KIF15: variants seen among roughly 807,000 people sequenced by gnomAD.
The protein encoded by KIF15 is kinesin-like protein KIF15.
A neutral mutation model predicts 190.6 loss-of-function variants in KIF15; 140 were observed. That is an observed-to-expected ratio of 0.73 (90% confidence interval 0.64 to 0.84). The LOEUF is 0.84. Among genes scored for constraint, KIF15 ranks in the 40% least tolerant of loss-of-function variants. The pLI is 0.00. For synonymous variants in KIF15, 528 were observed against 551.3 expected (o/e 0.96, Z 0.59); for missense variants, 1,372 against 1,584.4 (o/e 0.87, Z 2.28).
At chr3:44,812,405 A>G (rs778577876) in intron 18 of KIF15, 116 bp downstream of exon 18, 15 of 711,660 alleles carry the variant, frequency 2.1e-5, no homozygotes, top group Non-Finnish European at 3.1e-5. Flanking sequence ...ATATTCAGAG[A>G]GTATCACAGA....
At chr3:44,825,914 A>G in intron 20 of KIF15, 125 bp from the exon 21 acceptor site, 1 of 776,328 alleles carries the variant, frequency 1.3e-6, no homozygotes, top group Non-Finnish European at 2.0e-6. Flanking sequence ...GGAGCCTTAT[A>G]TCACTCGAGG....
chr3:44,796,773 TATC>T (rs1707007790), intron 8 of KIF15, among the ~76,000 whole-genome samples: 1 of 152,232 alleles, frequency 6.6e-6, no homozygotes, highest in Non-Finnish European at 1.5e-5. Flanking sequence ...TAGTTTTTAT[TATC>T]CTTTACAGAA....
chr3:44,845,422 G>A (rs948037957), intron 30 of KIF15, among the ~76,000 whole-genome samples: 4 of 152,002 alleles, frequency 2.6e-5, no homozygotes, highest in Non-Finnish European at 5.9e-5. Flanking sequence ...GAGATGGTGG[G>A]AACTACAACG....
intron 26 of KIF15, among the ~76,000 whole-genome samples, chr3:44,831,331 T>C (rs576609792): frequency 6.6e-6 from 1 of 152,326 alleles, no homozygotes; most frequent in Non-Finnish European, 1.5e-5. Context: ...ATACTACTAA[T>C]GTATTATTGT....
intron 7 of KIF15, among the ~76,000 whole-genome samples, chr3:44,789,685 TATATATAA>T (rs1406197335): frequency 1.5e-5 from 1 of 68,958 alleles, no homozygotes; most frequent in African/African-American, 5.2e-5. Context: ...TATATATATA[TATATATAA>T]AATAGATACA....
At chr3:44,854,190 G>C (rs1699155254), downstream of KIF15, among the ~76,000 whole-genome samples, 1 of 152,056 alleles carries the variant, frequency 6.6e-6, no homozygotes, top group Non-Finnish European at 1.5e-5. Flanking sequence ...TTCAATACCA[G>C]CCTGGCCAAC....
intron 27 of KIF15, among the ~76,000 whole-genome samples, chr3:44,839,495 A>C (rs993693435): frequency 2.0e-5 from 3 of 152,256 alleles, no homozygotes; most frequent in Admixed American, 2.0e-4. Flanking sequence ...TCAAATTATT[A>C]ATCAAGTTCT....
chr3:44,855,911 G>A (rs1481224426), downstream of KIF15, among the ~76,000 whole-genome samples: 3 of 152,108 alleles, frequency 2.0e-5, no homozygotes, highest in East Asian at 3.9e-4. Context: ...CTATTTTTGA[G>A]AGTTCTTTTT....
At chr3:44,823,011 A>G (rs1456030219) in intron 20 of KIF15, among the ~76,000 whole-genome samples, 10 of 152,110 alleles carry the variant, frequency 6.6e-5, no homozygotes, top group Non-Finnish European at 1.0e-4. Flanking sequence ...ACTTCTGTCA[A>G]CTCGTCAAAG....
rs541226803 is a variant in KIF15, at chr3:44,834,001, G to A, written c.3171+2983G>A. Among the ~76,000 whole-genome samples the A allele has an allele frequency of 5.9e-5, 9 of 152,244 alleles. No homozygotes were observed. The South Asian group carries it at 6.2e-4, about 11-fold the overall frequency. On this transcript the variant is annotated intron_variant, in intron 26 of 34. Transcript: ENST00000326047. ...AGGTAAATAATGAAAACTCATGCCT[G>A]TTTACCTAAAAGCTCTTCTTTCCTT...
chr3:44,829,644 T>A (rs1182954441), intron 24 of KIF15, among the ~76,000 whole-genome samples: 1 of 132,186 alleles, frequency 7.6e-6, no homozygotes, highest in Admixed American at 8.7e-5. Flanking sequence ...ATGTATATAT[T>A]ATATATGTAT....
At chr3:44,815,152 AAACTC>A (rs1707971718) in intron 20 of KIF15, 76 bp downstream of exon 20, 4 of 1,196,832 alleles carry the variant, frequency 3.3e-6, no homozygotes, top group African/African-American at 1.6e-5. Flanking sequence ...GAAGTGTTAT[AAACTC>A]AACTCAAAGC....
chr3:44,842,908 T>A (rs917578779), intron 29 of KIF15, among the ~76,000 whole-genome samples: 1 of 152,358 alleles, frequency 6.6e-6, no homozygotes, highest in East Asian at 1.9e-4. Context: ...ATATTGATTT[T>A]AAAAATCTGT....
chr3:44,867,382 A>G (rs906935379), intron 6 of KIF15, among the ~76,000 whole-genome samples: 35 of 152,196 alleles, frequency 2.3e-4, no homozygotes, highest in African/African-American at 8.0e-4. Context: ...CCATTCTACC[A>G]GTGAAGAAGC....
At position 44,832,839 on chromosome 3, in the gene KIF15, A is replaced by G. The variant is rs550191244; in HGVS notation, c.3171+1821A>G. ...AGACCAGCCTGGCCAACATGGTAAA[A>G]CCCCATCCCTACTAAAACTACAAAA... On this transcript the variant is annotated intron_variant, in intron 26 of 34. Transcript: ENST00000326047. Among the ~76,000 whole-genome samples the G allele has an allele frequency of 3.3e-5, 5 of 151,862 alleles. No homozygotes were observed. In the South Asian group the frequency reaches 1.0e-3, roughly 32 times the overall value.
chr3:44,820,038 G>A (rs1197955818), intron 20 of KIF15, among the ~76,000 whole-genome samples: 3 of 152,166 alleles, frequency 2.0e-5, no homozygotes, highest in Non-Finnish European at 4.4e-5. Context: ...TTGGTTTAAA[G>A]TCTGTTTTAT....
At chr3:44,865,090 G>A in intron 6 of KIF15, 2 of 1,614,142 alleles carry the variant, frequency 1.2e-6, no homozygotes, top group South Asian at 1.1e-5. Flanking sequence ...TCTTGTGGTG[G>A]GGAGGAGTGT....
chr3:44,809,525 T>C (rs1707691412), intron 16 of KIF15, among the ~76,000 whole-genome samples: 2 of 152,088 alleles, frequency 1.3e-5, no homozygotes, highest in African/African-American at 4.8e-5. Context: ...TTCTTTTGAA[T>C]GGTATGAGAA....
intron 6 of KIF15, among the ~76,000 whole-genome samples, chr3:44,858,942 T>G (rs2125736933): frequency 6.6e-6 from 1 of 152,344 alleles, no homozygotes; most frequent in Admixed American, 6.5e-5. Context: ...GCATCAGTCT[T>G]CAGCTGCTAA....
Sources: allele counts gnomAD v4.1 joint callset (sites outside exome capture counted in the v4.1 genomes callset), GRCh38; gene constraint gnomAD v4.1.1; transcripts MANE v1.5; gene names NCBI Gene and HGNC (gene_info 2026-07-23, HGNC 2026-07-21).